SYNE2: variants seen among roughly 807,000 people sequenced by gnomAD.
SYNE2 encodes spectrin repeat containing nuclear envelope protein 2.
Under a neutral mutation model 856.3 loss-of-function variants are expected in SYNE2, and 431 were observed. That is an observed-to-expected ratio of 0.50 (90% CI 0.47 to 0.55). The LOEUF (loss-of-function observed/expected upper bound fraction) is 0.55, where lower values mean the gene tolerates loss of function less well. Ranked by LOEUF, SYNE2 falls within the 20% of genes least tolerant of loss-of-function variation. The pLI, the probability that SYNE2 is intolerant of heterozygous loss-of-function variation, is 0.00. For synonymous variants in SYNE2, 2,923 were observed against 2,872.3 expected, an observed-to-expected ratio of 1.02 and a Z score of -0.56; for missense variants, 8,129 against 8,023.2, an observed-to-expected ratio of 1.01 and a Z score of -0.50.
Position 63,944,935 on chromosome 14 carries a change from G to A in SYNE2, c.408+2792G>A, listed in dbSNP as rs1001708340. On this transcript the variant is annotated intron_variant, in intron 6 of 115. Coordinates refer to ENST00000555002, the MANE Select transcript of SYNE2 (RefSeq NM_182914.3). ...TGATTCTCATGCCTCAGCCCCCTGA[G>A]TAGCTGGGATTACAGGTGCCCACCA... is the stretch of plus-strand genomic sequence containing the variant. 2.2e-5 allele frequency among the ~76,000 whole-genome samples: 3 copies of A among 139,412 alleles called. No homozygotes were observed. The Admixed American group carries it at 2.3e-4, about 11-fold the overall frequency. The allele number at this position is 139,412 out of a possible 152,430, so 91.5% of individuals were successfully genotyped here.
At chr14:64,191,779 A>C (rs2098519906) in intron 99 of SYNE2, among the ~76,000 whole-genome samples, 1 of 152,218 alleles carries the variant, frequency 6.6e-6, no homozygotes, top group Non-Finnish European at 1.5e-5. Context: ...TGGGGGAAAA[A>C]AAACAAACCT....
intron 96 of SYNE2, among the ~76,000 whole-genome samples, chr14:64,181,550 G>C (rs1231738637): frequency 6.6e-6 from 1 of 152,124 alleles, no homozygotes; most frequent in African/African-American, 2.4e-5. Context: ...ATCAGGGAAA[G>C]GCAAAAAGCA....
At chr14:63,853,248 G>GGGCGGGGGC (rs1890812297) in intron 1 of SYNE2, 105 bp downstream of exon 1, 1 of 152,174 alleles carries the variant, frequency 6.6e-6, no homozygotes, top group South Asian at 2.1e-4. Context: ...TCTGAGCCGG[G>GGGCGGGGGC]GGCGGGGGCG....
intron 11 of SYNE2, among the ~76,000 whole-genome samples, chr14:63,970,644 CTTTTTTCTTTT>C (rs1274415517): frequency 7.8e-6 from 1 of 127,804 alleles, no homozygotes; most frequent in Non-Finnish European, 1.6e-5. Flanking sequence ...TTTTTCTTTT[CTTTTTTCTTTT>C]TTTTTTTTTT....
chr14:63,898,108 G>A (rs909376181), intron 1 of SYNE2, among the ~76,000 whole-genome samples: 2 of 152,082 alleles, frequency 1.3e-5, no homozygotes, highest in African/African-American at 2.4e-5. Flanking sequence ...TATGCAAACC[G>A]TAATCATTCT....
At position 63,982,884 on chromosome 14, in the gene SYNE2, C is replaced by G. The variant is rs1358135642; in HGVS notation, c.2001+90C>G. 3.1e-6 allele frequency: 4 copies of G among 1,308,290 alleles called. No individual in the cohort carries two copies. In the African/African-American group the frequency reaches 4.4e-5, roughly 14 times the overall value. 81.0% of individuals were successfully genotyped at this position (1,308,290 alleles called of 1,614,324 possible). A position where few individuals can be genotyped will look rare whatever the true frequency, so the allele number is the denominator to read the frequency against. ...TTGTAAGTTCATAACCAATTGATTT[C>G]TGGTATATGCACAGTTACGTAGCCA... On this transcript the variant is annotated intron_variant, in intron 17 of 115. Transcript: ENST00000555002.
chr14:64,187,107 T>G (rs2098495638), intron 97 of SYNE2, among the ~76,000 whole-genome samples: 1 of 152,226 alleles, frequency 6.6e-6, no homozygotes. Context: ...TCTCAATGGA[T>G]CACTTCAACT....
rs199860789 is a variant in SYNE2 at position 63,942,088 on chromosome 14, A to T, written c.353A>T (p.Asp118Val). The change falls in exon 6 of 116, where the codon GAT becomes GTT. Residue 118 changes from aspartate (D) to valine (V), a missense_variant. Physicochemically the swap from Asp to Val is radical, Grantham distance 152. This residue lies in a region of SYNE2 where 2,422 missense variants were observed against 2,357.4 expected (regional missense o/e 1.03). Coordinates refer to ENST00000555002, the MANE Select transcript of SYNE2 (RefSeq NM_182914.3). ...AATATTCATGTTACTGATATCATTG[A>T]TGGAAACCCATCCATTATCCTTGGC... ...LINIHVTDII[D>V]GNPSIILGLI... 312 of 1,611,596 alleles carry T rather than the reference A, an allele frequency of 1.9e-4. No homozygotes were observed. The highest frequency in any genetic ancestry group is 2.5e-4 in the Non-Finnish European group (295 of 1,178,400).
chr14:64,096,758 T>C lies in SYNE2; in HGVS notation c.12109-1191T>C, dbSNP rs941340380. Among the ~76,000 whole-genome samples, 3 of 152,234 alleles carry C rather than the reference T, an allele frequency of 2.0e-5. No homozygotes were observed. The East Asian group carries it at 5.8e-4, about 29-fold the overall frequency. ...TTGCAGCTTTGGACAAATCACCTTC[T>C]TTCTCTGGCCTTTAGAACTCTCTCT... On this transcript the variant is annotated intron_variant, in intron 61 of 115. Transcript: ENST00000555002.
intron 1 of SYNE2, among the ~76,000 whole-genome samples, chr14:63,771,260 C>T (rs1022335588): frequency 4.6e-5 from 7 of 151,500 alleles, no homozygotes; most frequent in Admixed American, 6.6e-5. Context: ...TTAGTAGAGA[C>T]GGGGTTTCAC....
At chr14:64,073,713 G>T (rs2097432061) in intron 52 of SYNE2, among the ~76,000 whole-genome samples, 1 of 152,200 alleles carries the variant, frequency 6.6e-6, no homozygotes, top group Admixed American at 6.5e-5. Flanking sequence ...AGAAATGTCA[G>T]TTACAGTGTA....
chr14:63,841,357 C>G (rs1185734654), intron 1 of SYNE2, among the ~76,000 whole-genome samples: 1 of 152,164 alleles, frequency 6.6e-6, no homozygotes, highest in Admixed American at 6.5e-5. Flanking sequence ...CTTGGGGGAC[C>G]TGACTGGAAC....
At chr14:63,844,054 A>G (rs1781321195) in intron 1 of SYNE2, among the ~76,000 whole-genome samples, 1 of 152,214 alleles carries the variant, frequency 6.6e-6, no homozygotes, top group South Asian at 2.1e-4. Context: ...TATAGTTTAC[A>G]TTAGGGATTA....
At position 64,221,697 on chromosome 14, in the gene SYNE2, A is replaced by T. The variant is rs973140253; in HGVS notation, c.20183A>T (p.Glu6728Val). 1.2e-6 allele frequency: 2 copies of T among 1,614,038 alleles called. No individual in the cohort carries two copies. The highest frequency in any genetic ancestry group is 3.3e-5 in the Admixed American group (2 of 60,010). The change falls in exon 112 of 116, where the codon GAA becomes GTA. Residue 6728 changes from glutamate to valine, a missense_variant. Coordinates refer to ENST00000555002, the MANE Select transcript of SYNE2 (RefSeq NM_182914.3). ...DPRALLECRR[E>V]LMQLEKELVE... is the part of the protein sequence containing the mutation. ...CGGGCTCTCCTAGAGTGTCGGAGGG[A>T]ACTAATGGTAAGTTTCCTCCCAAGG...
chr14:64,127,529 G>A (rs116390481), intron 73 of SYNE2, among the ~76,000 whole-genome samples: 1,686 of 152,296 alleles, frequency 0.011, 39 homozygotes, highest in African/African-American at 0.038. Flanking sequence ...CAATTAAAAT[G>A]GTGGGGCGGG....
intron 1 of SYNE2, among the ~76,000 whole-genome samples, chr14:63,886,010 C>T (rs554834380): frequency 6.6e-6 from 1 of 152,296 alleles, no homozygotes; most frequent in East Asian, 1.9e-4. Flanking sequence ...TCCTCCCTCC[C>T]TCTTTTGCCA....
chr14:63,773,055 G>A (rs963355484), intron 1 of SYNE2, among the ~76,000 whole-genome samples: 1 of 151,986 alleles, frequency 6.6e-6, no homozygotes, highest in Non-Finnish European at 1.5e-5. Context: ...TGGGATTACA[G>A]GCATGAGCCA....
intron 1 of SYNE2, among the ~76,000 whole-genome samples, chr14:63,839,196 AT>A (rs1889963596): frequency 1.3e-5 from 2 of 151,894 alleles, no homozygotes; most frequent in African/African-American, 4.8e-5. Context: ...TGCCCGGCTA[AT>A]TTTTTGTATT....
chr14:64,208,827 C>T lies in SYNE2; in HGVS notation c.18271C>T (p.Leu6091=). 6.2e-7 allele frequency: 1 copy of T among 1,614,244 alleles called. No homozygotes were observed. Reference sequence around the variant, plus strand: ...CGTGTTTAACATCTGTGACGTCCTACTGCACGACTCCGATGCCTGTGCAAA... The same window carrying T: ...CGTGTTTAACATCTGTGACGTCCTATTGCACGACTCCGATGCCTGTGCAAA... ...ESVFNICDVL[L]HDSDACANET... is the part of the protein sequence containing the mutation. The change falls in exon 101 of 116, where the codon CTG becomes TTG. Residue 6091 remains leucine, a synonymous_variant. Coordinates refer to ENST00000555002, the MANE Select transcript of SYNE2 (RefSeq NM_182914.3).
Sources: gnomAD v4.1 joint callset for allele counts (sites outside exome capture counted in the v4.1 genomes callset) on GRCh38, gnomAD v4.1.1 for gene constraint, gnomAD v4.1.1 regional missense constraint, MANE v1.5 for transcripts, NCBI Gene and HGNC (gene_info 2026-07-23, HGNC 2026-07-21) for gene names.